Variants in CACNA1C observed in about 807,000 individuals in gnomAD.
CACNA1C encodes calcium voltage-gated channel subunit alpha1 C, also known as voltage-dependent L-type calcium channel subunit alpha-1C.
A neutral mutation model predicts 229.0 loss-of-function variants in CACNA1C; 30 were observed. That is an observed-to-expected ratio of 0.13 (90% CI 0.10 to 0.18). The LOEUF (loss-of-function observed/expected upper bound fraction) is 0.18. Ranked by LOEUF, CACNA1C falls within the 10% of genes least tolerant of loss-of-function variation. CACNA1C has a pLI of 1.00. For synonymous variants in CACNA1C, 1,114 were observed against 1,132.5 expected, an observed-to-expected ratio of 0.98 and a Z score of 0.33; for missense variants, 1,658 against 2,845.0, an observed-to-expected ratio of 0.58 and a Z score of 9.49.
intron 20 of CACNA1C, among the ~76,000 whole-genome samples, chr12:2,596,597 G>C (rs1240818382): frequency 6.6e-6 from 1 of 152,182 alleles, no homozygotes; most frequent in Admixed American, 6.5e-5. Context: ...CTGCGCTCCT[G>C]GGGCCTGCTT....
intron 3 of CACNA1C, among the ~76,000 whole-genome samples, chr12:2,170,230 A>G (rs1026902749): frequency 4.6e-5 from 7 of 152,124 alleles, no homozygotes; most frequent in Non-Finnish European, 1.0e-4. Flanking sequence ...GGATAGTGGA[A>G]CTTTTGCCAT....
In CACNA1C at chr12:2,679,034, C is replaced by T. The variant is rs1046612870; in HGVS notation, c.5092-410C>T. On this transcript the variant is annotated intron_variant, in intron 41 of 46. Transcript: ENST00000399655. This position sits in a 1 kb window ranked among gnomAD's most constrained non-coding sequence, Gnocchi z 5.5. ...AAATCTGGTTAGAATCTTCTGGTCG[C>T]TCTCCCAGCCCCCGCCCTCACGGTG... Among the ~76,000 whole-genome samples, 1 of 152,226 alleles carries T rather than the reference C, an allele frequency of 6.6e-6. No homozygotes were observed. The highest frequency in any genetic ancestry group is 1.5e-5 in the Non-Finnish European group (1 of 68,038).
At position 2,601,622 on chromosome 12, in the gene CACNA1C, C is replaced by A. The variant is rs1223358760; in HGVS notation, c.2854-232C>A. 4.6e-5 allele frequency among the ~76,000 whole-genome samples: 7 copies of A among 152,196 alleles called. No homozygotes were observed. ...GACTAAAGAGCCTGGCTTGGCCTGGCAGGTGCAAGGAGCCACCCAGCAGTC... is the reference window on the plus strand; with the variant it reads ...GACTAAAGAGCCTGGCTTGGCCTGGAAGGTGCAAGGAGCCACCCAGCAGTC... On this transcript the variant is annotated intron_variant, in intron 21 of 46. Transcript: ENST00000399655. This position sits in a 1 kb window ranked among gnomAD's most constrained non-coding sequence, Gnocchi z 5.9.
intron 3 of CACNA1C, among the ~76,000 whole-genome samples, chr12:2,360,153 C>CTCT (rs1567232889): frequency 9.7e-6 from 1 of 103,414 alleles, no homozygotes; most frequent in Non-Finnish European, 1.9e-5. Flanking sequence ...ACAAACACAC[C>CTCT]CCACCCCCCC....
At chr12:2,463,726 C>T (rs2154566334) in intron 5 of CACNA1C, among the ~76,000 whole-genome samples, 1 of 152,306 alleles carries the variant, frequency 6.6e-6, no homozygotes, top group African/African-American at 2.4e-5. Context: ...AGGCTAACGG[C>T]TTGATTACAC....
chr12:2,477,353 T>A (rs544813477), intron 5 of CACNA1C, among the ~76,000 whole-genome samples: 7 of 152,294 alleles, frequency 4.6e-5, no homozygotes, highest in African/African-American at 1.7e-4. Context: ...ATTTATCTGA[T>A]CACTATCCCT....
At chr12:2,399,991 G>A (rs552756601) in intron 3 of CACNA1C, among the ~76,000 whole-genome samples, 1 of 152,302 alleles carries the variant, frequency 6.6e-6, no homozygotes, top group East Asian at 1.9e-4. Flanking sequence ...TTTAGACAGT[G>A]AGTCTTACAA....
At position 2,078,830 on chromosome 12, in the gene CACNA1C, G is replaced by A. The variant is rs868812715; in HGVS notation, c.49+25219G>A. Among the ~76,000 whole-genome samples, 6 of 152,062 alleles carry A rather than the reference G, an allele frequency of 3.9e-5. No individual in the cohort carries two copies. In the South Asian group the frequency reaches 6.2e-4, roughly 16 times the overall value. ...TGCTGCTATAAAGACACATGCACAC[G>A]TATGTTTATTGCGGCACTATTCACA... On this transcript the variant is annotated intron_variant, in intron 1 of 46. Transcript: ENST00000399655.
Position 2,061,764 on chromosome 12 carries a change from A to G in CACNA1C, c.49+8153A>G, listed in dbSNP as rs552209406. ...AGGAAGAACACCACCTGGGCAACCA[A>G]TGTCTCCTCACTTTTGAACGTGAAT... On this transcript the variant is annotated intron_variant, in intron 1 of 46. Transcript: ENST00000399655. Among the ~76,000 whole-genome samples, 5 of 152,358 alleles carry G rather than the reference A, an allele frequency of 3.3e-5. No individual in the cohort carries two copies. In the South Asian group the frequency reaches 8.3e-4, roughly 25 times the overall value.
At chr12:2,047,601 A>G (rs2051300767) in intron 1 of CACNA1C, among the ~76,000 whole-genome samples, 1 of 152,234 alleles carries the variant, frequency 6.6e-6, no homozygotes, top group Non-Finnish European at 1.5e-5. Flanking sequence ...TTCAACAAAC[A>G]TATATATTGA....
chr12:2,450,447 G>A (rs376769580), intron 4 of CACNA1C, among the ~76,000 whole-genome samples: 6 of 150,318 alleles, frequency 4.0e-5, no homozygotes, highest in South Asian at 4.2e-4. Context: ...CCAGCTACTC[G>A]GGAGGCTGAG....
At chr12:2,298,728 G>A (rs1313422178) in intron 3 of CACNA1C, among the ~76,000 whole-genome samples, 6 of 152,236 alleles carry the variant, frequency 3.9e-5, no homozygotes, top group Admixed American at 2.6e-4. Context: ...CTCTATGGCC[G>A]CAGAATTGGC....
At chr12:2,298,333 T>C (rs527822878) in intron 3 of CACNA1C, among the ~76,000 whole-genome samples, 1 of 152,122 alleles carries the variant, frequency 6.6e-6, no homozygotes, top group Admixed American at 6.5e-5. Context: ...AGAGTCTCGC[T>C]CTGTTGCCAG....
chr12:2,224,922 G>T (rs1384569748), intron 3 of CACNA1C, among the ~76,000 whole-genome samples: 1 of 152,148 alleles, frequency 6.6e-6, no homozygotes, highest in African/African-American at 2.4e-5. Flanking sequence ...TTTTCTTCTA[G>T]CACAATTTAT....
intron 1 of CACNA1C, among the ~76,000 whole-genome samples, chr12:2,082,848 A>C (rs2066171467): frequency 6.6e-6 from 1 of 152,158 alleles, no homozygotes; most frequent in African/African-American, 2.4e-5. Context: ...ATCTCTGCTC[A>C]AGTCTACTTT....
At position 2,668,831 on chromosome 12, in the gene CACNA1C, G is replaced by A. The variant is rs539059649; in HGVS notation, c.4624-102G>A. The stretch of plus-strand genomic sequence containing the variant: ...GGATTACAATTCAACATGAGATTTG[G>A]GCGAGGACACAGAGCCAAACCATAT... On this transcript the variant is annotated intron_variant, in intron 37 of 46. Transcript: ENST00000399655. 1.3e-5 allele frequency: 10 copies of A among 748,668 alleles called. No individual in the cohort carries two copies. The East Asian group carries it at 1.5e-4, about 11-fold the overall frequency. 46.4% of individuals were successfully genotyped at this position (748,668 alleles called of 1,614,324 possible).
intron 43 of CACNA1C, among the ~76,000 whole-genome samples, 194 bp downstream of exon 43, chr12:2,682,872 A>AACACAGCACACAACACACACAAACAC (rs1379590775): frequency 2.5e-4 from 1 of 4,050 alleles, no homozygotes; most frequent in Non-Finnish European, 6.5e-4. Flanking sequence ...ACACAAACAC[A>AACACAGCACACAACACACACAAACAC]CACACACCAC....
At chr12:2,461,144 C>A (rs905696716) in intron 5 of CACNA1C, among the ~76,000 whole-genome samples, 1 of 152,310 alleles carries the variant, frequency 6.6e-6, no homozygotes, top group Non-Finnish European at 1.5e-5. Flanking sequence ...TCTGATGGGG[C>A]TTTCTTCCCC....
intron 3 of CACNA1C, among the ~76,000 whole-genome samples, chr12:2,260,208 G>A (rs565443233): frequency 6.6e-6 from 1 of 152,222 alleles, no homozygotes; most frequent in African/African-American, 2.4e-5. Flanking sequence ...TGAGTACTGT[G>A]GCTCTCACTG....
Sources: gnomAD v4.1 joint callset for allele counts (sites outside exome capture counted in the v4.1 genomes callset) on GRCh38, gnomAD v4.1.1 for gene constraint, Gnocchi (gnomAD v3.1) non-coding constraint, MANE v1.5 for transcripts, NCBI Gene and HGNC (gene_info 2026-07-23, HGNC 2026-07-21) for gene names.